The following PKD2 variants were observed in gnomAD, a reference collection of about 807,000 sequenced individuals.
The protein encoded by PKD2 is polycystin 2, transient receptor potential cation channel, also known as polycystin-2.
In PKD2, 48 loss-of-function variants were observed where a neutral mutation model predicts 105.9. That is an observed-to-expected ratio of 0.45 (90% CI 0.36 to 0.58). PKD2 has a LOEUF of 0.58. Ranked by LOEUF, PKD2 falls within the 20% of genes least tolerant of loss-of-function variation. The pLI, the probability that PKD2 is intolerant of heterozygous loss-of-function variation, is 0.00. For missense variants in PKD2, 1,078 were observed against 1,255.3 expected (o/e 0.86, Z 2.13); for synonymous variants, 464 against 481.1 (o/e 0.96, Z 0.46).
intron 9 of PKD2, among the ~76,000 whole-genome samples, chr4:88,060,441 C>CATATATATATATATATATATATAT (rs60801876): frequency 2.6e-4 from 39 of 147,472 alleles, no homozygotes; most frequent in Middle Eastern, 3.6e-3. Context: ...CCACTATATC[C>CATATATATATATATATATATATAT]ATATATATAT....
chr4:88,011,647 C>A (rs1182086024), intron 1 of PKD2, among the ~76,000 whole-genome samples: 1 of 151,970 alleles, frequency 6.6e-6, no homozygotes, highest in Non-Finnish European at 1.5e-5. Flanking sequence ...TTTCTGCCTT[C>A]CCTTTCGATG....
In PKD2 at chr4:88,052,091, A is replaced by G. The variant is rs754169081; in HGVS notation, c.1649A>G (p.His550Arg). Residue 550 changes from histidine (H) to arginine (R), a missense_variant, in exon 7 of 15, where the codon CAT becomes CGT. This residue lies in a region of PKD2 where 868 missense variants were observed against 1,067.3 expected (regional missense o/e 0.81). Transcript: ENST00000237596. ...EDQNTFPNFE[H>R]LAYWQIQFNN... is the part of the protein sequence containing the mutation. ...CAAAATACTTTCCCCAACTTTGAGC[A>G]TCTGGCATATTGGCAGATACAGTTC... 8.1e-6 allele frequency: 13 copies of G among 1,608,034 alleles called. No individual in the cohort carries two copies. In the East Asian group the frequency reaches 2.7e-4, roughly 33 times the overall value.
chr4:88,057,333 GGTGACT>G, intron 8 of PKD2, among the ~76,000 whole-genome samples: 1 of 151,686 alleles, frequency 6.6e-6, no homozygotes, highest in Non-Finnish European at 1.5e-5. Flanking sequence ...TTAGACCGAG[GGTGACT>G]GTTGTCAAGG....
At chr4:88,025,708 T>C (rs1726935659) in intron 2 of PKD2, among the ~76,000 whole-genome samples, 1 of 152,162 alleles carries the variant, frequency 6.6e-6, no homozygotes, top group African/African-American at 2.4e-5. Context: ...CCAGATCTCA[T>C]CTCCAATTGT....
At chr4:88,073,114 G>T (rs530598820) in intron 13 of PKD2, among the ~76,000 whole-genome samples, 17 of 151,102 alleles carry the variant, frequency 1.1e-4, no homozygotes, top group African/African-American at 3.9e-4. Context: ...ACTATGGGAG[G>T]CCAAGGCAGG....
At chr4:88,041,910 C>G (rs1727578903) in intron 4 of PKD2, among the ~76,000 whole-genome samples, 1 of 152,188 alleles carries the variant, frequency 6.6e-6, no homozygotes, top group Admixed American at 6.5e-5. Context: ...GCACATGAGC[C>G]CTCTGTTCCT....
intron 4 of PKD2, 90 bp downstream of exon 4, chr4:88,038,591 T>C (rs1486602575): frequency 7.2e-7 from 1 of 1,380,316 alleles, no homozygotes; most frequent in Non-Finnish European, 1.0e-6. Flanking sequence ...CCTGACACCT[T>C]CACCAAGGCA....
At chr4:88,061,180 T>C (rs1720557662) in intron 9 of PKD2, among the ~76,000 whole-genome samples, 1 of 152,236 alleles carries the variant, frequency 6.6e-6, no homozygotes, top group African/African-American at 2.4e-5. Context: ...ATTCTACTTA[T>C]CTGTGTTAAC....
At chr4:88,040,975 T>A (rs995986390) in intron 4 of PKD2, among the ~76,000 whole-genome samples, 2 of 152,308 alleles carry the variant, frequency 1.3e-5, no homozygotes, top group Middle Eastern at 3.4e-3. Flanking sequence ...GTGCCCTTGA[T>A]GCTGGAGAAA....
Position 88,036,323 on chromosome 4 carries a change from A to G in PKD2, c.813A>G (p.Lys271=), listed in dbSNP as rs1727332137. The G allele has an allele frequency of 3.1e-6, 5 of 1,613,898 alleles. No homozygotes were observed. Among genetic ancestry groups the G allele is most frequent in the Admixed American group, 1.7e-5 (1 of 59,998 alleles). Residue 271 remains lysine, a synonymous_variant, in exon 3 of 15, where the codon AAA becomes AAG. Coordinates refer to ENST00000237596, the MANE Select transcript of PKD2 (RefSeq NM_000297.4). ...CCAAAACGGAGAAAACTAACTTTAA[A>G]ACTCTGTCTTCCATGGAAGACTTCT... The part of the protein sequence containing the change: ...PVSKTEKTNF[K]TLSSMEDFWK...
chr4:88,062,067 C>T (rs1292046940), intron 10 of PKD2, 63 bp downstream of exon 10: 1 of 843,970 alleles, frequency 1.2e-6, no homozygotes, highest in Non-Finnish European at 2.1e-6. Flanking sequence ...ATTGTTTCAC[C>T]CAGATTTTCA....
chr4:88,038,420 G>A lies in PKD2; in HGVS notation c.1013G>A (p.Arg338Lys). The A allele has an allele frequency of 6.2e-7, 1 of 1,613,724 alleles. No homozygotes were observed. Among genetic ancestry groups the A allele is most frequent in the Non-Finnish European group, 8.5e-7 (1 of 1,179,660 alleles). The change falls in exon 4 of 15, where the codon AGA becomes AAA. Residue 338 changes from arginine to lysine, a missense_variant. Arg to Lys is a conservative substitution (Grantham distance 26, BLOSUM62 2). Transcript: ENST00000237596. ...NGSCSIPQDL[R>K]DEIKECYDVY... The stretch of plus-strand genomic sequence containing the variant: ...TCCTGCTCTATCCCCCAGGACTTGA[G>A]AGATGAAATTAAAGAGTGCTATGAT...
chr4:88,043,027 A>T (rs566759441), intron 4 of PKD2, among the ~76,000 whole-genome samples: 133 of 152,318 alleles, frequency 8.7e-4, no homozygotes, highest in African/African-American at 3.0e-3. Context: ...CATTGACCTC[A>T]CTAAGCCTCA....
In PKD2 at chr4:88,046,735, C is replaced by T. The variant is rs750002416; in HGVS notation, c.1413C>T (p.Phe471=). ...TCCGATATGTCACAACTTTTGATTT[C>T]TTCCTGGCAGCCTGTGAGATTATCT... ...KLIRYVTTFD[F]FLAACEIIFC... is the part of the protein sequence containing the mutation. The change falls in exon 6 of 15, where the codon TTC becomes TTT. Residue 471 remains phenylalanine, a synonymous_variant. Transcript: ENST00000237596. The T allele has an allele frequency of 6.2e-7, 1 of 1,613,150 alleles. No homozygotes were observed. The highest frequency in any genetic ancestry group is 8.5e-7 in the Non-Finnish European group (1 of 1,179,254).
chr4:88,036,100 A>G lies in PKD2; in HGVS notation c.710-120A>G, dbSNP rs1727320398. 4.1e-6 allele frequency: 6 copies of G among 1,475,486 alleles called. No homozygotes were observed. In the South Asian group the frequency reaches 6.8e-5, roughly 17 times the overall value. 91.4% of individuals were successfully genotyped at this position (1,475,486 alleles called of 1,614,324 possible). On this transcript the variant is annotated intron_variant, in intron 2 of 14. Transcript: ENST00000237596. ...GAAAGGAAGGCAAGGGTGAGAGAAG[A>G]CCTTGTGTGAATTTGTCCAAAATGT...
At chr4:88,056,307 G>A (rs1304862322) in intron 8 of PKD2, 40 bp downstream of exon 8, 12 of 1,227,966 alleles carry the variant, frequency 9.8e-6, no homozygotes, top group African/African-American at 1.5e-5. Flanking sequence ...TTTAATCAGA[G>A]TTGTCACTGC....
intron 6 of PKD2, among the ~76,000 whole-genome samples, chr4:88,051,333 C>A (rs1417559980): frequency 6.6e-6 from 1 of 152,086 alleles, no homozygotes; most frequent in Non-Finnish European, 1.5e-5. Context: ...TATCTTTTGT[C>A]CCTCTTGACT....
chr4:88,066,075 G>A (rs952551746), intron 12 of PKD2, among the ~76,000 whole-genome samples, 196 bp downstream of exon 12: 1 of 152,118 alleles, frequency 6.6e-6, no homozygotes, highest in African/African-American at 2.4e-5. Context: ...ATAAAAATGG[G>A]TGGTTAGCAT....
In PKD2 at chr4:88,052,073, C is replaced by T. The variant is rs1720124712; in HGVS notation, c.1631C>T (p.Thr544Ile). 6.2e-7 allele frequency: 1 copy of T among 1,601,362 alleles called. No individual in the cohort carries two copies. Among genetic ancestry groups the T allele is most frequent in the South Asian group, 1.1e-5 (1 of 90,710 alleles). The part of the protein sequence containing the change: ...VLLQFLEDQN[T>I]FPNFEHLAYW... Reference sequence around the variant, plus strand: ...CTACAGTTTCTGGAAGATCAAAATACTTTCCCCAACTTTGAGCATCTGGCA... The same window carrying T: ...CTACAGTTTCTGGAAGATCAAAATATTTTCCCCAACTTTGAGCATCTGGCA... Residue 544 changes from threonine (T) to isoleucine (I), a missense_variant, in exon 7 of 15, where the codon ACT becomes ATT. Coordinates refer to ENST00000237596, the MANE Select transcript of PKD2 (RefSeq NM_000297.4).
Sources: gnomAD v4.1 joint callset for allele counts (sites outside exome capture counted in the v4.1 genomes callset) on GRCh38, gnomAD v4.1.1 for gene constraint, gnomAD v4.1.1 regional missense constraint, MANE v1.5 for transcripts, NCBI Gene and HGNC (gene_info 2026-07-23, HGNC 2026-07-21) for gene names.